COL11A1: variants seen among roughly 807,000 people sequenced by gnomAD.
COL11A1 encodes collagen type XI alpha 1 chain.
COL11A1 carries 74 observed loss-of-function variants against 265.2 expected under a neutral mutation model. That is an observed-to-expected ratio of 0.28 (90% CI 0.23 to 0.34). The LOEUF is 0.34. Among genes scored for constraint, COL11A1 ranks in the 10% least tolerant of loss-of-function variants. The pLI is 1.00. For missense variants in COL11A1, 2,165 were observed against 2,263.6 expected (o/e 0.96, Z 0.88); for synonymous variants, 816 against 727.6 (o/e 1.12, Z -1.96).
chr1:102,923,774 T>C (rs1360685028), intron 46 of COL11A1, among the ~76,000 whole-genome samples: 1 of 152,132 alleles, frequency 6.6e-6, no homozygotes, highest in African/African-American at 2.4e-5. Context: ...GAGGTTTTTA[T>C]AGTTAGGTAC....
chr1:103,034,096 G>A (rs1036336683), intron 4 of COL11A1, among the ~76,000 whole-genome samples: 1 of 152,020 alleles, frequency 6.6e-6, no homozygotes, highest in Non-Finnish European at 1.5e-5. Context: ...TCCTTTATAT[G>A]TTATCAGTCA....
intron 54 of COL11A1, among the ~76,000 whole-genome samples, chr1:102,906,355 A>G (rs1653977260): frequency 1.3e-5 from 2 of 152,170 alleles, no homozygotes; most frequent in South Asian, 4.1e-4. Flanking sequence ...AAGGAGTGTC[A>G]GTTTATAGGT....
chr1:102,964,447 C>T (rs1259753580), intron 38 of COL11A1, among the ~76,000 whole-genome samples: 2 of 152,122 alleles, frequency 1.3e-5, no homozygotes, highest in Non-Finnish European at 2.9e-5. Context: ...TGTTTACACA[C>T]TCTATAAAAT....
rs759561852 is a variant in COL11A1 at position 102,914,762 on chromosome 1, G to C, written c.3866C>G (p.Ala1289Gly). 5.6e-6 allele frequency: 9 copies of C among 1,612,708 alleles called. No individual in the cohort carries two copies. Among genetic ancestry groups the C allele is most frequent in the Middle Eastern group, 1.7e-4 (1 of 5,884 alleles). ...GEKGEAGPPG[A>G]AGPPGAKGPP... The stretch of plus-strand genomic sequence containing the variant: ...CCCCTTGGCACCTGGAGGTCCAGCA[G>C]CTCCAGGTGGACCAGCTTCCCCTTT... Residue 1289 changes from alanine to glycine, a missense_variant, in exon 51 of 67, where the codon GCT (alanine) becomes GGT (glycine). Coordinates refer to ENST00000370096, the MANE Select transcript of COL11A1 (RefSeq NM_001854.4).
At chr1:102,886,426 T>C (rs1650988280) in intron 63 of COL11A1, among the ~76,000 whole-genome samples, 1 of 152,170 alleles carries the variant, frequency 6.6e-6, no homozygotes, top group Admixed American at 6.6e-5. Context: ...ATATTCATAT[T>C]AATCTAAAAT....
chr1:103,001,789 T>C, intron 24 of COL11A1, 136 bp downstream of exon 24: 1 of 759,230 alleles, frequency 1.3e-6, no homozygotes, highest in Non-Finnish European at 2.3e-6. Flanking sequence ...TATTTCCATG[T>C]CGACTCCAGA....
In COL11A1 at chr1:102,941,029, T is replaced by C. The variant is rs139208071; in HGVS notation, c.3277-595A>G. On this transcript the variant is annotated intron_variant, in intron 42 of 66. Transcript: ENST00000370096. ...TTTTTGTAATTTAAAATAAATTATT[T>C]TCTAAGAGTCAAAATTTCATCAGTT... 5.2e-3 allele frequency among the ~76,000 whole-genome samples: 794 copies of C among 152,298 alleles called. 8 individuals carry two copies. The highest frequency in any genetic ancestry group is 0.018 in the African/African-American group (745 of 41,554).
chr1:103,039,609 T>A (rs934586758), intron 4 of COL11A1, among the ~76,000 whole-genome samples: 2 of 151,258 alleles, frequency 1.3e-5, no homozygotes, highest in Non-Finnish European at 3.0e-5. Context: ...AGAAAACGAC[T>A]CTGTCAACAC....
intron 1 of COL11A1, among the ~76,000 whole-genome samples, chr1:103,084,788 G>A (rs1672723941): frequency 6.6e-6 from 1 of 152,050 alleles, no homozygotes. Flanking sequence ...TAGGCTCTTG[G>A]AAACTTCTAC....
At chr1:103,071,726 T>C (rs1671604813) in intron 4 of COL11A1, among the ~76,000 whole-genome samples, 1 of 150,036 alleles carries the variant, frequency 6.7e-6, no homozygotes, top group Non-Finnish European at 1.5e-5. Flanking sequence ...GACAGATGGG[T>C]CACTGTTAGT....
In COL11A1 at chr1:102,890,464, G is replaced by A. The variant is rs1651606925; in HGVS notation, c.4343C>T (p.Ser1448Phe). ...GLPGLKGDPG[S>F]KGEKGHPGLI... Reference sequence around the variant, plus strand: ...TTTTATTCTCACCTTTTCACCCTTGGAGCCAGGGTCACCTTTGAGACCAGG... The same window carrying A: ...TTTTATTCTCACCTTTTCACCCTTGAAGCCAGGGTCACCTTTGAGACCAGG... Residue 1448 changes from serine (S) to phenylalanine (F), a missense_variant, in exon 58 of 67, where the codon TCC becomes TTC. Coordinates refer to ENST00000370096, the MANE Select transcript of COL11A1 (RefSeq NM_001854.4). 6.2e-7 allele frequency: 1 copy of A among 1,608,734 alleles called. No homozygotes were observed. The highest frequency in any genetic ancestry group is 8.5e-7 in the Non-Finnish European group (1 of 1,177,410).
At chr1:103,030,948 C>A in intron 5 of COL11A1, 168 bp downstream of exon 5, 1 of 822,692 alleles carries the variant, frequency 1.2e-6, no homozygotes. Flanking sequence ...AGCAAGAAAA[C>A]AAGTACCAAA....
chr1:102,968,577 T>C (rs1661657586), intron 37 of COL11A1, among the ~76,000 whole-genome samples: 1 of 152,178 alleles, frequency 6.6e-6, no homozygotes, highest in African/African-American at 2.4e-5. Context: ...AATAAATATA[T>C]GGCAAAGAAT....
At chr1:103,023,419 G>T (rs750356327) in intron 7 of COL11A1, among the ~76,000 whole-genome samples, 1 of 149,984 alleles carries the variant, frequency 6.7e-6, no homozygotes, top group Admixed American at 6.6e-5. Context: ...GTGCAAGGGC[G>T]CAATCTTGGT....
chr1:103,056,537 T>C (rs1670263998), intron 4 of COL11A1, among the ~76,000 whole-genome samples: 1 of 152,062 alleles, frequency 6.6e-6, no homozygotes, highest in South Asian at 2.1e-4. Context: ...GGCCTGTAAG[T>C]GAATATCATA....
At chr1:102,894,745 C>T (rs1652202030) in intron 57 of COL11A1, among the ~76,000 whole-genome samples, 1 of 152,002 alleles carries the variant, frequency 6.6e-6, no homozygotes, top group South Asian at 2.1e-4. Flanking sequence ...GATCATCATC[C>T]TTAGCTTTTG....
chr1:103,045,864 G>C (rs2102082729), intron 4 of COL11A1, among the ~76,000 whole-genome samples: 1 of 151,338 alleles, frequency 6.6e-6, no homozygotes, highest in East Asian at 2.0e-4. Context: ...AGAAAATGCA[G>C]TGTTTGGTTT....
rs779851037 is a variant in COL11A1, at chr1:103,012,431, A to G, written c.1611T>C (p.Thr537=). The part of the protein sequence containing the change: ...LRGPPGPMGL[T]GRPGPVGGPG... Reference sequence around the variant, plus strand: ...AACCTACCACAGGACCTGGTCTTCCAGTTAGACCCATTGGGCCAGGTGGGC... The same window carrying G: ...AACCTACCACAGGACCTGGTCTTCCGGTTAGACCCATTGGGCCAGGTGGGC... The change falls in exon 14 of 67, where the codon ACT becomes ACC. Residue 537 remains threonine, a synonymous_variant. Coordinates refer to ENST00000370096, the MANE Select transcript of COL11A1 (RefSeq NM_001854.4). 9 of 1,613,356 alleles carry G rather than the reference A, an allele frequency of 5.6e-6. No homozygotes were observed. Among genetic ancestry groups the G allele is most frequent in the Non-Finnish European group, 7.6e-6 (9 of 1,179,364 alleles).
chr1:103,052,760 C>A (rs899139866), intron 4 of COL11A1, among the ~76,000 whole-genome samples: 1 of 152,146 alleles, frequency 6.6e-6, no homozygotes, highest in Non-Finnish European at 1.5e-5. Flanking sequence ...AGCATTCATT[C>A]ATGCATTTAC....
Sources: gnomAD v4.1 joint callset for allele counts (sites outside exome capture counted in the v4.1 genomes callset) on GRCh38, gnomAD v4.1.1 for gene constraint, MANE v1.5 for transcripts, NCBI Gene and HGNC (gene_info 2026-07-23, HGNC 2026-07-21) for gene names.